Variants in USP34 observed in about 807,000 individuals in gnomAD.
USP34 encodes ubiquitin specific peptidase 34.
Under a neutral mutation model 460.3 loss-of-function variants are expected in USP34, and 70 were observed. The ratio of observed to expected loss-of-function variants is 0.15; its 90% CI spans 0.13 to 0.19. The LOEUF is 0.19. USP34 is among the 10% of genes least tolerant of loss of function. The pLI is 1.00. For synonymous variants in USP34, 1,647 were observed against 1,405.3 expected (o/e 1.17, Z -3.85); for missense variants, 3,985 against 4,236.2 (o/e 0.94, Z 1.65).
In USP34 at chr2:61,224,802, G is replaced by C. The variant is rs188462525; in HGVS notation, c.7596-1506C>G. Reference sequence around the variant, plus strand: ...TTCACAGTCCACTGCAGTTATTACCGATGCTCAAAGCTGTTCAATCTATGA... The same window carrying C: ...TTCACAGTCCACTGCAGTTATTACCCATGCTCAAAGCTGTTCAATCTATGA... On this transcript the variant is annotated intron_variant, in intron 62 of 79. Transcript: ENST00000398571. Among the ~76,000 whole-genome samples, 5 of 152,196 alleles carry C rather than the reference G, an allele frequency of 3.3e-5. No homozygotes were observed. In the East Asian group the frequency reaches 9.6e-4, roughly 29 times the overall value.
At chr2:61,462,420 G>A (rs552361316) in intron 1 of USP34, among the ~76,000 whole-genome samples, 45 of 150,830 alleles carry the variant, frequency 3.0e-4, no homozygotes, top group Non-Finnish European at 4.9e-4. Context: ...ATGGTGGTAC[G>A]CACCTGTAAT....
intron 41 of USP34, among the ~76,000 whole-genome samples, chr2:61,267,731 A>C (rs1397978748): frequency 6.6e-6 from 1 of 152,114 alleles, no homozygotes; most frequent in Non-Finnish European, 1.5e-5. Context: ...CTCCTGCCTC[A>C]GACTCCCAAT....
At chr2:61,446,963 A>AATAAC (rs1240420002) in intron 1 of USP34, among the ~76,000 whole-genome samples, 1 of 151,854 alleles carries the variant, frequency 6.6e-6, no homozygotes, top group Admixed American at 6.6e-5. Flanking sequence ...AGCATCAGAA[A>AATAAC]ATAACATTAG....
At chr2:61,238,117 A>C (rs1308057560) in intron 53 of USP34, among the ~76,000 whole-genome samples, 1 of 151,658 alleles carries the variant, frequency 6.6e-6, no homozygotes, top group Non-Finnish European at 1.5e-5. Flanking sequence ...GCTGGTCTCG[A>C]ACTGCTGACC....
chr2:61,206,751 T>G lies in USP34; in HGVS notation c.9046+9A>C. Reference sequence around the variant, plus strand: ...ACGAACAAAACATAAGAAGTAGGAATGAGCAAACCTTTTCTCTGAAGATAA... The same window carrying G: ...ACGAACAAAACATAAGAAGTAGGAAGGAGCAAACCTTTTCTCTGAAGATAA... On this transcript the variant is annotated intron_variant, in intron 71 of 79. Coordinates refer to ENST00000398571, the MANE Select transcript of USP34 (RefSeq NM_014709.4). The G allele has an allele frequency of 6.2e-7, 1 of 1,612,164 alleles. No individual in the cohort carries two copies. The highest frequency in any genetic ancestry group is 8.5e-7 in the Non-Finnish European group (1 of 1,179,310).
intron 18 of USP34, among the ~76,000 whole-genome samples, chr2:61,335,249 T>A (rs531294694): frequency 6.6e-6 from 1 of 152,228 alleles, no homozygotes; most frequent in Non-Finnish European, 1.5e-5. Context: ...CTATAATGAC[T>A]ATGAGATGTT....
intron 20 of USP34, 140 bp from the exon 21 acceptor site, chr2:61,325,597 CG>C (rs1337503576): frequency 4.4e-6 from 2 of 459,484 alleles, no homozygotes; most frequent in Non-Finnish European, 7.3e-6. Flanking sequence ...TTTGGTTACA[CG>C]AAAGAAGTTC....
At chr2:61,297,832 T>C (rs1690082514) in intron 29 of USP34, among the ~76,000 whole-genome samples, 1 of 152,072 alleles carries the variant, frequency 6.6e-6, no homozygotes, top group Admixed American at 6.6e-5. Context: ...AACCTCCGCC[T>C]CCCGGGTTCA....
chr2:61,394,513 C>T (rs1362637095), intron 5 of USP34, among the ~76,000 whole-genome samples: 6 of 128,690 alleles, frequency 4.7e-5, no homozygotes, highest in African/African-American at 1.5e-4. Context: ...GCCTAAACAA[C>T]GGAGTGAGAC....
At chr2:61,410,303 G>C (rs1004509698) in intron 2 of USP34, among the ~76,000 whole-genome samples, 1 of 152,194 alleles carries the variant, frequency 6.6e-6, no homozygotes, top group African/African-American at 2.4e-5. Context: ...CTCATGAAAA[G>C]TGTGCAACCT....
intron 41 of USP34, among the ~76,000 whole-genome samples, chr2:61,276,623 C>T (rs977523900): frequency 2.6e-5 from 4 of 151,934 alleles, no homozygotes; most frequent in South Asian, 2.1e-4. Context: ...TGCTTTACAA[C>T]GTTATCAGAA....
At chr2:61,347,034 G>A (rs1691792292) in intron 15 of USP34, among the ~76,000 whole-genome samples, 1 of 151,900 alleles carries the variant, frequency 6.6e-6, no homozygotes, top group African/African-American at 2.4e-5. Flanking sequence ...CAGCTACTCA[G>A]GAGGCTGAGG....
rs774897892 is a variant in USP34, at chr2:61,350,604, C to G, written c.1341G>C (p.Leu447=). The G allele has an allele frequency of 6.2e-7, 1 of 1,613,266 alleles. No individual in the cohort carries two copies. The highest frequency in any genetic ancestry group is 8.5e-7 in the Non-Finnish European group (1 of 1,179,836). Residue 447 remains leucine, a synonymous_variant, in exon 11 of 80, where the codon CTG becomes CTC. Transcript: ENST00000398571. ...DPVPLRHLLN[L]VSALEPSVHT... ...GAACACTTGGCTCAAGAGCTGAGAC[C>G]AGATTAAGTAGATGTCTAAGTGGTA...
At chr2:61,250,325 T>A in intron 48 of USP34, 1 of 179,254 alleles carries the variant, frequency 5.6e-6, no homozygotes. Context: ...TTGGTTGAGT[T>A]AACCAGAAAA....
chr2:61,234,947 T>A (rs1688021413), intron 57 of USP34, among the ~76,000 whole-genome samples: 1 of 152,174 alleles, frequency 6.6e-6, no homozygotes, highest in African/African-American at 2.4e-5. Flanking sequence ...CAAGTTTCTG[T>A]TTTAAATAAA....
In USP34 at chr2:61,370,557, C is replaced by G. The variant is rs777383928; in HGVS notation, c.1099G>C (p.Asp367His). 6.2e-7 allele frequency: 1 copy of G among 1,613,726 alleles called. No individual in the cohort carries two copies. Among genetic ancestry groups the G allele is most frequent in the Non-Finnish European group, 8.5e-7 (1 of 1,179,916 alleles). Residue 367 changes from aspartate to histidine, a missense_variant, in exon 9 of 80, where the codon GAC (aspartate) becomes CAC (histidine). By Grantham distance (81) the Asp-to-His change is moderately conservative. Around this residue, in one of 14 missense-constraint regions of USP34, gnomAD observed 716 missense variants for 626.2 expected, o/e 1.14. Transcript: ENST00000398571. Reference protein sequence around the residue: ...TETSIAKELADWLISNNVVEH... With the variant: ...TETSIAKELAHWLISNNVVEH... Reference sequence around the variant, plus strand: ...ACCACATTGTTGCTAATAAGCCAGTCTGCAAGTTCTTTTGCAATGGACCTA... The same window carrying G: ...ACCACATTGTTGCTAATAAGCCAGTGTGCAAGTTCTTTTGCAATGGACCTA...
chr2:61,311,725 A>G, intron 26 of USP34, 38 bp from the exon 27 acceptor site: 1 of 1,608,714 alleles, frequency 6.2e-7, no homozygotes, highest in Non-Finnish European at 8.5e-7. Context: ...AAATACAAAA[A>G]GAACAGATAT....
intron 27 of USP34, among the ~76,000 whole-genome samples, chr2:61,307,076 C>T (rs1690432337): frequency 6.6e-6 from 1 of 152,114 alleles, no homozygotes; most frequent in Middle Eastern, 3.4e-3. Flanking sequence ...AAATGTCCAT[C>T]AATGATAGAC....
intron 32 of USP34, 23 bp from the exon 33 acceptor site, chr2:61,293,573 T>C (rs774644344): frequency 6.3e-6 from 10 of 1,586,582 alleles, no homozygotes; most frequent in South Asian, 1.1e-5. Context: ...GTGAAAGTAA[T>C]AGTAAGAGAA....
Sources: allele counts gnomAD v4.1 joint callset (sites outside exome capture counted in the v4.1 genomes callset), GRCh38; gene constraint gnomAD v4.1.1; regional missense constraint gnomAD v4.1.1; transcripts MANE v1.5; gene names NCBI Gene and HGNC (gene_info 2026-07-23, HGNC 2026-07-21).